The following SLC4A10 variants were observed in gnomAD, a reference collection of about 807,000 sequenced individuals.
SLC4A10 encodes the protein solute carrier family 4 member 10.
A neutral mutation model predicts 137.7 loss-of-function variants in SLC4A10; 42 were observed. The ratio of observed to expected loss-of-function variants is 0.30; its 90% CI spans 0.24 to 0.39. The LOEUF is 0.39. SLC4A10 is among the 10% of genes least tolerant of loss of function. The pLI is 1.00. For synonymous variants in SLC4A10, 474 were observed against 464.1 expected (o/e 1.02, Z -0.27); for missense variants, 925 against 1,355.0 (o/e 0.68, Z 4.98).
At chr2:161,836,937 T>A (rs1468430119) in intron 3 of SLC4A10, among the ~76,000 whole-genome samples, 1 of 152,210 alleles carries the variant, frequency 6.6e-6, no homozygotes, top group South Asian at 2.1e-4. Flanking sequence ...TAGTCCAGGA[T>A]TCTATATCCA....
At chr2:161,841,861 G>T (rs2059205152) in intron 4 of SLC4A10, among the ~76,000 whole-genome samples, 1 of 152,076 alleles carries the variant, frequency 6.6e-6, no homozygotes. Context: ...AATCTTTTCT[G>T]TGCATCTTTC....
intron 15 of SLC4A10, among the ~76,000 whole-genome samples, chr2:161,938,662 T>C (rs1347463102): frequency 6.6e-6 from 1 of 151,364 alleles, no homozygotes; most frequent in African/African-American, 2.4e-5. Flanking sequence ...AAGAGAAGTA[T>C]TCAACTGGTT....
intron 1 of SLC4A10, among the ~76,000 whole-genome samples, chr2:161,758,516 C>A (rs1472488707): frequency 6.6e-6 from 1 of 151,894 alleles, no homozygotes; most frequent in East Asian, 1.9e-4. Flanking sequence ...CAGGAAACTT[C>A]TTTCCATCTT....
At chr2:161,744,937 T>C (rs1384474744) in intron 1 of SLC4A10, among the ~76,000 whole-genome samples, 1 of 152,228 alleles carries the variant, frequency 6.6e-6, no homozygotes, top group Non-Finnish European at 1.5e-5. Flanking sequence ...GTGAGTTTTG[T>C]ACCTTTAGGT....
chr2:161,865,688 C>G (rs2060697097), intron 6 of SLC4A10, among the ~76,000 whole-genome samples: 1 of 151,808 alleles, frequency 6.6e-6, no homozygotes, highest in Non-Finnish European at 1.5e-5. Context: ...AAATCTCCTA[C>G]CCAAAAGTGA....
chr2:161,947,884 T>C (rs1694111838), intron 17 of SLC4A10, among the ~76,000 whole-genome samples, 157 bp downstream of exon 17: 1 of 152,182 alleles, frequency 6.6e-6, no homozygotes, highest in Non-Finnish European at 1.5e-5. Context: ...GAATTTGTGA[T>C]GCAGGTGCTG....
intron 1 of SLC4A10, among the ~76,000 whole-genome samples, chr2:161,666,026 A>T (rs2039003992): frequency 6.6e-6 from 1 of 150,646 alleles, no homozygotes; most frequent in African/African-American, 2.4e-5. Context: ...TAATGATACT[A>T]CTTGTGATTT....
intron 10 of SLC4A10, among the ~76,000 whole-genome samples, chr2:161,888,719 A>G (rs1305176568): frequency 1.3e-5 from 2 of 152,168 alleles, no homozygotes; most frequent in African/African-American, 4.8e-5. Flanking sequence ...TAAATATACA[A>G]TCATGTCATC....
chr2:161,963,823 G>A (rs188887617), intron 21 of SLC4A10, among the ~76,000 whole-genome samples: 1 of 152,214 alleles, frequency 6.6e-6, no homozygotes, highest in Admixed American at 6.5e-5. Flanking sequence ...AAAGAAGATG[G>A]TTAATTATGT....
chr2:161,808,287 AT>A (rs1435762899), intron 3 of SLC4A10, among the ~76,000 whole-genome samples: 1 of 151,640 alleles, frequency 6.6e-6, no homozygotes, highest in East Asian at 1.9e-4. Context: ...CCTCTTTTAT[AT>A]TTTTTCATCA....
At chr2:161,970,303 A>T (rs931959197) in intron 23 of SLC4A10, among the ~76,000 whole-genome samples, 1 of 151,738 alleles carries the variant, frequency 6.6e-6, no homozygotes, top group African/African-American at 2.4e-5. Context: ...TTCCTTTTCC[A>T]CTCTCATTGT....
chr2:161,821,159 A>G (rs2057586592), intron 3 of SLC4A10, among the ~76,000 whole-genome samples: 1 of 152,214 alleles, frequency 6.6e-6, no homozygotes, highest in South Asian at 2.1e-4. Flanking sequence ...TGTTATGGAA[A>G]TAAGTCCTTT....
chr2:161,792,920 T>C (rs2054362087), intron 2 of SLC4A10, among the ~76,000 whole-genome samples: 1 of 151,966 alleles, frequency 6.6e-6, no homozygotes, highest in Non-Finnish European at 1.5e-5. Context: ...AAAATATCAA[T>C]TGATATAAAT....
rs1015278422 is a variant in SLC4A10 at position 161,874,135 on chromosome 2, G to A, written c.948+130G>A. 3 of 923,986 alleles carry A rather than the reference G, an allele frequency of 3.2e-6. No individual in the cohort carries two copies. In the African/African-American group the frequency reaches 5.0e-5, roughly 15 times the overall value. The allele number at this position is 923,986 out of a possible 1,614,324, so 57.2% of individuals were successfully genotyped here. On this transcript the variant is annotated intron_variant, in intron 8 of 26. Coordinates refer to ENST00000446997, the MANE Select transcript of SLC4A10 (RefSeq NM_001178015.2). ...CCACTCTAAGAACTATCTTTTTAAAGCATTGCATCTTCATTCATCTGCAAG... is the reference window on the plus strand; with the variant it reads ...CCACTCTAAGAACTATCTTTTTAAAACATTGCATCTTCATTCATCTGCAAG...
chr2:161,873,875 A>C, intron 7 of SLC4A10, 41 bp from the exon 8 acceptor site: 1 of 1,563,772 alleles, frequency 6.4e-7, no homozygotes, highest in African/African-American at 1.3e-5. Flanking sequence ...TCTCCGTGGG[A>C]GCATGGTGTA....
chr2:161,805,703 G>A (rs922226808), intron 3 of SLC4A10, among the ~76,000 whole-genome samples: 3 of 152,190 alleles, frequency 2.0e-5, no homozygotes, highest in Non-Finnish European at 2.9e-5. Flanking sequence ...TGGTTCTCAT[G>A]GTCTTGGGCA....
In SLC4A10 at chr2:161,965,156, G is replaced by T; in HGVS notation, c.3142G>T (p.Glu1048Ter). 1 of 1,609,816 alleles carries T rather than the reference G, an allele frequency of 6.2e-7. No homozygotes were observed. The highest frequency in any genetic ancestry group is 8.5e-7 in the Non-Finnish European group (1 of 1,177,532). ...GCCCGAGAGTAAGAAAAAGAAACTG[G>T]AAGATGCTGAAAAAGAAGTAAGAGC... ...LMPESKKKKL[E>*]DAEKEEEQSM... The change falls in exon 23 of 27, where the codon GAA becomes TAA. Residue 1048 changes from glutamate to a stop codon, truncating the protein, a stop_gained. Transcript: ENST00000446997. LOFTEE classifies it high-confidence loss of function.
chr2:161,865,435 C>T (rs1451014162), intron 6 of SLC4A10, among the ~76,000 whole-genome samples: 1 of 151,994 alleles, frequency 6.6e-6, no homozygotes, highest in Non-Finnish European at 1.5e-5. Context: ...TACAATCAGC[C>T]TTTATCTGAA....
chr2:161,720,605 T>C (rs1056067652), intron 1 of SLC4A10, among the ~76,000 whole-genome samples: 3 of 152,210 alleles, frequency 2.0e-5, no homozygotes, highest in African/African-American at 7.2e-5. Flanking sequence ...GCTCCTCTTG[T>C]TGAATTGAAC....
Sources: gnomAD v4.1 joint callset for allele counts (sites outside exome capture counted in the v4.1 genomes callset) on GRCh38, gnomAD v4.1.1 for gene constraint, MANE v1.5 for transcripts, NCBI Gene and HGNC (gene_info 2026-07-23, HGNC 2026-07-21) for gene names.